Variants in OPRM1 observed in about 807,000 individuals in gnomAD.
OPRM1 encodes the protein opioid receptor mu 1, also known as mu-type opioid receptor.
Under a neutral mutation model 31.8 loss-of-function variants are expected in OPRM1, and 27 were observed. The ratio of observed to expected loss-of-function variants is 0.85; its 90% confidence interval spans 0.63 to 1.17. OPRM1 has a LOEUF of 1.17. OPRM1 is among the 50% of genes most tolerant of loss of function. The pLI, the probability that OPRM1 is intolerant of heterozygous loss-of-function variation, is 0.00. For synonymous variants in OPRM1, 196 were observed against 189.9 expected, an observed-to-expected ratio of 1.03 and a Z score of -0.26; for missense variants, 536 against 511.1, an observed-to-expected ratio of 1.05 and a Z score of -0.47.
At chr6:154,244,178 G>A (rs1213872469) in intron 3 of OPRM1, among the ~76,000 whole-genome samples, 1 of 152,168 alleles carries the variant, frequency 6.6e-6, no homozygotes, top group Non-Finnish European at 1.5e-5. Flanking sequence ...ACATGCTTGG[G>A]TCTTATTTCA....
chr6:154,225,438 G>A, intron 3 of OPRM1, among the ~76,000 whole-genome samples: 1 of 152,196 alleles, frequency 6.6e-6, no homozygotes, highest in Non-Finnish European at 1.5e-5. Context: ...ACTAATACAT[G>A]CTACGTGGAT....
At chr6:154,166,666 G>A (rs542309859) in intron 3 of OPRM1, among the ~76,000 whole-genome samples, 1 of 152,286 alleles carries the variant, frequency 6.6e-6, no homozygotes, top group East Asian at 1.9e-4. Flanking sequence ...CACCGGTAGA[G>A]TCCATTCAAT....
chr6:154,236,048 C>T (rs1377472883), intron 3 of OPRM1, among the ~76,000 whole-genome samples: 2 of 152,160 alleles, frequency 1.3e-5, no homozygotes, highest in Non-Finnish European at 2.9e-5. Flanking sequence ...AGCAATTCCA[C>T]CTCTAGGTAT....
intron 3 of OPRM1, chr6:154,217,117 T>G (rs1052679615): frequency 6.1e-5 from 10 of 163,278 alleles, no homozygotes; most frequent in Non-Finnish European, 1.2e-4. Context: ...CATTCCAGCC[T>G]TCCAAGGGTG....
intron 1 of OPRM1, 64 bp from the exon 2 acceptor site, chr6:154,089,762 A>C: frequency 9.0e-7 from 1 of 1,107,150 alleles, no homozygotes; most frequent in Non-Finnish European, 1.3e-6. Context: ...TATTATTGGA[A>C]GCTTACCTAT....
chr6:154,152,163 T>C (rs1263638145), intron 3 of OPRM1, among the ~76,000 whole-genome samples: 1 of 92,900 alleles, frequency 1.1e-5, no homozygotes, highest in African/African-American at 5.5e-5. Context: ...CAGTGAGACT[T>C]TGAAAACAAA....
In OPRM1 at chr6:154,127,106, C is replaced by CAAAA. The variant is rs3070836; in HGVS notation, c.*8396_*8399dup. Among the ~76,000 whole-genome samples the CAAAA allele has an allele frequency of 4.1e-5, 6 of 145,026 alleles. No individual in the cohort carries two copies. The highest frequency in any genetic ancestry group is 7.6e-5 in the African/African-American group (3 of 39,346). On this transcript the variant is annotated 3_prime_UTR_variant, in exon 4 of 4. Coordinates refer to ENST00000330432, the MANE Select transcript of OPRM1 (RefSeq NM_000914.5). The stretch of plus-strand genomic sequence containing the variant: ...CCTGGGCAACAGAATGAGATTGTCT[C>CAAAA]AAAAAAAAAAAAAAGTGCCACATGC...
intron 3 of OPRM1, among the ~76,000 whole-genome samples, chr6:154,116,596 AAAAAG>A (rs1279545004): frequency 1.3e-4 from 20 of 151,898 alleles, no homozygotes; most frequent in Non-Finnish European, 1.8e-4. Flanking sequence ...AAAAAAAAAA[AAAAAG>A]AAAAGAAAAG....
At chr6:154,190,473 T>C (rs1031439483) in intron 3 of OPRM1, among the ~76,000 whole-genome samples, 1 of 152,184 alleles carries the variant, frequency 6.6e-6, no homozygotes, top group Non-Finnish European at 1.5e-5. Flanking sequence ...ACTACCCACC[T>C]ACTAGCATGG....
In OPRM1 at chr6:154,128,309, G is replaced by A. The variant is rs1441531777; in HGVS notation, c.*9588G>A. On this transcript the variant is annotated 3_prime_UTR_variant, in exon 4 of 4. Coordinates refer to ENST00000330432, the MANE Select transcript of OPRM1 (RefSeq NM_000914.5). ...AAGGTGGAGTTAATTCTGACTACGGGATTCCTTTTTCACTTTTATAATGAA... is the reference window on the plus strand; with the variant it reads ...AAGGTGGAGTTAATTCTGACTACGGAATTCCTTTTTCACTTTTATAATGAA... Among the ~76,000 whole-genome samples, 1 of 152,168 alleles carries A rather than the reference G, an allele frequency of 6.6e-6. No individual in the cohort carries two copies. The highest frequency in any genetic ancestry group is 2.4e-5 in the African/African-American group (1 of 41,440).
chr6:154,108,818 TTGATAACCTCGG>T (rs1354474697), intron 3 of OPRM1: 1 of 985,252 alleles, frequency 1.0e-6, no homozygotes, highest in Non-Finnish European at 1.2e-6. Context: ...GGAGGAATGC[TTGATAACCTCGG>T]TGATAAGATA....
At chr6:154,116,608 A>G (rs1455762175) in intron 3 of OPRM1, among the ~76,000 whole-genome samples, 3 of 152,008 alleles carry the variant, frequency 2.0e-5, no homozygotes, top group Non-Finnish European at 4.4e-5. Flanking sequence ...AAAGAAAAGA[A>G]AAGAAAAGAA....
At chr6:154,106,053 C>G (rs973752384) in intron 3 of OPRM1, among the ~76,000 whole-genome samples, 1 of 152,112 alleles carries the variant, frequency 6.6e-6, no homozygotes, top group African/African-American at 2.4e-5. Flanking sequence ...CCCCTTTTAG[C>G]CAATATGTTC....
At chr6:154,047,244 G>A (rs769203575) in intron 1 of OPRM1, among the ~76,000 whole-genome samples, 7 of 149,972 alleles carry the variant, frequency 4.7e-5, no homozygotes, top group Non-Finnish European at 1.0e-4. Context: ...AGGAAGGAGA[G>A]GGAAAAGTCA....
At chr6:154,154,909 C>T (rs1240640368) in intron 3 of OPRM1, 1 of 152,544 alleles carries the variant, frequency 6.6e-6, no homozygotes, top group East Asian at 1.9e-4. Flanking sequence ...AAGTCACATT[C>T]CCATCATGCA....
upstream of OPRM1, among the ~76,000 whole-genome samples, chr6:154,038,551 C>A (rs1422360521): frequency 6.6e-6 from 1 of 152,138 alleles, no homozygotes; most frequent in Non-Finnish European, 1.5e-5. Flanking sequence ...CAACCTTCTT[C>A]TCAGAAGCAT....
intron 3 of OPRM1, among the ~76,000 whole-genome samples, chr6:154,118,281 G>T (rs1797082627): frequency 6.6e-6 from 1 of 152,028 alleles, no homozygotes; most frequent in Non-Finnish European, 1.5e-5. Context: ...AATAAGATCA[G>T]AAGTACTGAA....
At chr6:154,107,516 A>C in intron 3 of OPRM1, 1 of 718,582 alleles carries the variant, frequency 1.4e-6, no homozygotes, top group East Asian at 2.7e-5. Context: ...TTGGCCACTG[A>C]GCTACAATGC....
chr6:154,083,368 T>G (rs1789613629), intron 1 of OPRM1: 1 of 152,224 alleles, frequency 6.6e-6, no homozygotes, highest in Non-Finnish European at 1.5e-5. Context: ...ACAATAGAAA[T>G]GTATGCCATT....
Sources: gnomAD v4.1 joint callset for allele counts (sites outside exome capture counted in the v4.1 genomes callset) on GRCh38, gnomAD v4.1.1 for gene constraint, MANE v1.5 for transcripts, NCBI Gene and HGNC (gene_info 2026-07-23, HGNC 2026-07-21) for gene names.